Variants in NUMB observed in about 807,000 individuals in gnomAD.
The protein encoded by NUMB is protein numb homolog.
Under a neutral mutation model 59.7 loss-of-function variants are expected in NUMB, and 29 were observed. The observed-to-expected ratio is 0.49, with a 90% CI of 0.36 to 0.66. The LOEUF is 0.66. Among genes scored for constraint, NUMB ranks in the 30% least tolerant of loss-of-function variants. NUMB has a pLI of 0.00. For missense variants in NUMB, 723 were observed against 822.0 expected (o/e 0.88, Z 1.47); for synonymous variants, 288 against 288.2 (o/e 1.00, Z 0.01).
chr14:73,423,966 CAAAAA>C (rs34582645), intron 1 of NUMB, among the ~76,000 whole-genome samples: 3 of 74,294 alleles, frequency 4.0e-5, no homozygotes, highest in Non-Finnish European at 5.4e-5. Context: ...ACCCTGTCTC[CAAAAA>C]AAAAAAAAAA....
At chr14:73,426,653 C>CCTGA in intron 1 of NUMB, among the ~76,000 whole-genome samples, 1 of 151,992 alleles carries the variant, frequency 6.6e-6, no homozygotes, top group Non-Finnish European at 1.5e-5. Context: ...TCGAGAACTG[C>CCTGA]CTGACTAATA....
Position 73,276,936 on chromosome 14 carries a change from TGGGA to T in NUMB, c.1594_1597del (p.Ser532ArgfsTer60), listed in dbSNP as rs758285434. ...AGTGCCAAATACGTTGGCCACCATC[TGGGA>T]GGGAGTGATGCCCACCACAGGCACA... is the stretch of plus-strand genomic sequence containing the variant. On this transcript the variant is annotated frameshift_variant, in exon 13 of 13. Coordinates refer to ENST00000555238, the MANE Select transcript of NUMB (RefSeq NM_001005743.2). LOFTEE classifies it high-confidence loss of function. 6.2e-7 allele frequency: 1 copy of T among 1,614,142 alleles called. No individual in the cohort carries two copies. The highest frequency in any genetic ancestry group is 1.7e-5 in the Admixed American group (1 of 60,010).
intron 4 of NUMB, among the ~76,000 whole-genome samples, chr14:73,353,922 G>A (rs1329895368): frequency 6.6e-6 from 1 of 152,006 alleles, no homozygotes; most frequent in Non-Finnish European, 1.5e-5. Context: ...TTTTTCTCAT[G>A]ATTTAATGTC....
chr14:73,351,726 C>T (rs1893284011), intron 4 of NUMB, among the ~76,000 whole-genome samples: 1 of 152,040 alleles, frequency 6.6e-6, no homozygotes, highest in African/African-American at 2.4e-5. Context: ...CCTGTAATCC[C>T]AGCACTTTGG....
intron 1 of NUMB, among the ~76,000 whole-genome samples, chr14:73,443,372 G>C (rs1379553099): frequency 2.6e-5 from 4 of 151,908 alleles, no homozygotes; most frequent in Admixed American, 2.6e-4. Flanking sequence ...GAGGCGGGTG[G>C]ATCACTTGAG....
At chr14:73,316,266 T>C (rs1594897150) in intron 6 of NUMB, 124 bp downstream of exon 6, 4 of 768,084 alleles carry the variant, frequency 5.2e-6, no homozygotes, top group South Asian at 1.7e-5. Flanking sequence ...AATTTCCATA[T>C]ACAATCAAAC....
At chr14:73,439,697 T>C (rs1882880374) in intron 1 of NUMB, among the ~76,000 whole-genome samples, 1 of 152,164 alleles carries the variant, frequency 6.6e-6, no homozygotes, top group South Asian at 2.1e-4. Flanking sequence ...AAAGGCTATG[T>C]GTAATAATAC....
At chr14:73,454,633 G>A (rs1167246103) in intron 1 of NUMB, among the ~76,000 whole-genome samples, 2 of 152,132 alleles carry the variant, frequency 1.3e-5, no homozygotes, top group Admixed American at 6.5e-5. Flanking sequence ...TAAAACTTCA[G>A]TATGTGAAAC....
chr14:73,422,644 A>G (rs1024071825), intron 1 of NUMB, among the ~76,000 whole-genome samples: 3 of 151,954 alleles, frequency 2.0e-5, no homozygotes, highest in Non-Finnish European at 4.4e-5. Context: ...TGGAAGGCCA[A>G]GTGGGAGGAG....
chr14:73,352,509 TATATATATATATA>T (rs1893422997), intron 4 of NUMB, among the ~76,000 whole-genome samples: 1 of 17,698 alleles, frequency 5.7e-5, no homozygotes, highest in Non-Finnish European at 8.6e-5. Flanking sequence ...TATATATATA[TATATATATATATA>T]TATATATGTT....
chr14:73,326,438 C>T (rs1011033471), intron 4 of NUMB, among the ~76,000 whole-genome samples: 7 of 152,050 alleles, frequency 4.6e-5, no homozygotes, highest in African/African-American at 1.7e-4. Flanking sequence ...ACCAGCTTGG[C>T]CAACATGGCG....
At chr14:73,321,047 T>A (rs2139918380) in intron 5 of NUMB, among the ~76,000 whole-genome samples, 1 of 152,128 alleles carries the variant, frequency 6.6e-6, no homozygotes, top group African/African-American at 2.4e-5. Context: ...GAGATATTTC[T>A]AATTAAAAGT....
intron 6 of NUMB, among the ~76,000 whole-genome samples, chr14:73,307,756 G>T (rs1223452426): frequency 8.3e-6 from 1 of 121,018 alleles, no homozygotes; most frequent in East Asian, 2.3e-4. Context: ...TTTTTGAGAC[G>T]GAGTCTTGCT....
Position 73,339,989 on chromosome 14 carries a change from G to T in NUMB, c.126+15637C>A, listed in dbSNP as rs567226302. ...ATGTGACTAGCGGGGGATGGAAGTG[G>T]TGGGGGGGACACACTTGGCTTTCTC... On this transcript the variant is annotated intron_variant, in intron 4 of 12. Transcript: ENST00000555238. Among the ~76,000 whole-genome samples the T allele has an allele frequency of 7.3e-5, 11 of 150,888 alleles. No individual in the cohort carries two copies. The South Asian group carries it at 2.3e-3, about 32-fold the overall frequency.
intron 1 of NUMB, among the ~76,000 whole-genome samples, chr14:73,433,050 C>CA (rs1177068373): frequency 6.6e-6 from 1 of 151,720 alleles, no homozygotes; most frequent in Non-Finnish European, 1.5e-5. Flanking sequence ...ACTAAAAATA[C>CA]AAAAAAATTA....
chr14:73,420,979 C>T (rs547755429), intron 1 of NUMB, among the ~76,000 whole-genome samples: 9 of 151,676 alleles, frequency 5.9e-5, no homozygotes, highest in East Asian at 1.9e-4. Context: ...CAACAAAATG[C>T]GGAAAAAAAA....
intron 1 of NUMB, among the ~76,000 whole-genome samples, chr14:73,423,027 A>T (rs979519326): frequency 1.5e-4 from 23 of 152,090 alleles, no homozygotes; most frequent in Non-Finnish European, 1.5e-5. Flanking sequence ...TATTCTTTTC[A>T]TATTACTTAT....
At chr14:73,372,798 A>G (rs1193653804) in intron 2 of NUMB, among the ~76,000 whole-genome samples, 1 of 152,126 alleles carries the variant, frequency 6.6e-6, no homozygotes. Context: ...ATTGTATTAT[A>G]TATCTTCAAT....
intron 1 of NUMB, among the ~76,000 whole-genome samples, chr14:73,430,318 G>C (rs1456603678): frequency 1.3e-5 from 2 of 151,970 alleles, no homozygotes; most frequent in Non-Finnish European, 2.9e-5. Flanking sequence ...TTTCCAAAGA[G>C]GCTATACCAA....
Sources: allele counts gnomAD v4.1 joint callset (sites outside exome capture counted in the v4.1 genomes callset), GRCh38; gene constraint gnomAD v4.1.1; transcripts MANE v1.5; gene names NCBI Gene and HGNC (gene_info 2026-07-23, HGNC 2026-07-21).